Variants in MIGA1 observed in about 807,000 individuals in gnomAD.
The protein encoded by MIGA1 is family with sequence similarity 73, member A.
In MIGA1, 58 loss-of-function variants were observed where a neutral mutation model predicts 82.0. That is an observed-to-expected ratio of 0.71 (90% CI 0.57 to 0.88). The LOEUF is 0.88. Among genes scored for constraint, MIGA1 ranks in the 40% least tolerant of loss-of-function variants. The pLI, the probability that MIGA1 is intolerant of heterozygous loss-of-function variation, is 0.00. For synonymous variants in MIGA1, 249 were observed against 253.6 expected (o/e 0.98, Z 0.17); for missense variants, 751 against 749.1 (o/e 1.00, Z -0.03).
At chr1:77,806,789 C>T (rs1370805754) in intron 4 of MIGA1, among the ~76,000 whole-genome samples, 186 bp from the exon 5 acceptor site, 4 of 152,152 alleles carry the variant, frequency 2.6e-5, no homozygotes, top group African/African-American at 9.7e-5. Flanking sequence ...TTTGAGCAAA[C>T]AGGCTTAGAA....
chr1:77,815,819 T>G (rs932122662), intron 7 of MIGA1, among the ~76,000 whole-genome samples: 1 of 152,250 alleles, frequency 6.6e-6, no homozygotes, highest in African/African-American at 2.4e-5. Context: ...AGCCTTGACC[T>G]ATTGGGCTCA....
intron 5 of MIGA1, among the ~76,000 whole-genome samples, chr1:77,812,721 G>A (rs1454843258): frequency 6.6e-6 from 1 of 151,658 alleles, no homozygotes; most frequent in African/African-American, 2.4e-5. Flanking sequence ...TGTAAGCCTT[G>A]TTTTTTAATT....
chr1:77,853,087 A>G (rs1253868050), intron 8 of MIGA1, among the ~76,000 whole-genome samples: 1 of 152,250 alleles, frequency 6.6e-6, no homozygotes, highest in Non-Finnish European at 1.5e-5. Flanking sequence ...TGAAATACCA[A>G]AACCAAAGCC....
In MIGA1 at chr1:77,843,354, C is replaced by T. The variant is rs1570985744; in HGVS notation, c.943C>T (p.Leu315=). 3.1e-6 allele frequency: 5 copies of T among 1,613,914 alleles called. No individual in the cohort carries two copies. Among genetic ancestry groups the T allele is most frequent in the Admixed American group, 1.7e-5 (1 of 60,010 alleles). The change falls in exon 8 of 16, where the codon CTG becomes TTG. Residue 315 remains leucine, a synonymous_variant. Coordinates refer to ENST00000370791, the MANE Select transcript of MIGA1 (RefSeq NM_198549.4). ...GAAGGGTAATGTGGAAGACTTTGGC[C>T]TGCGAGACACCTTGAGCATCGCATC... is the stretch of plus-strand genomic sequence containing the variant.
intron 2 of MIGA1, among the ~76,000 whole-genome samples, chr1:77,788,102 A>T (rs1009435661): frequency 6.6e-6 from 1 of 152,176 alleles, no homozygotes; most frequent in Non-Finnish European, 1.5e-5. Context: ...TCCTGGGTTC[A>T]AGCAATTCTT....
intron 15 of MIGA1, 147 bp from the exon 16 acceptor site, chr1:77,874,699 G>A: frequency 1.6e-6 from 1 of 627,394 alleles, no homozygotes; most frequent in Non-Finnish European, 2.8e-6. Flanking sequence ...AATCACTTGT[G>A]CAAGGTCCCT....
chr1:77,800,524 G>A (rs960215335), intron 2 of MIGA1, among the ~76,000 whole-genome samples: 1 of 152,280 alleles, frequency 6.6e-6, no homozygotes. Flanking sequence ...AACATTCCAA[G>A]CCTTTAGCTT....
At chr1:77,836,641 A>G (rs1043835895) in intron 7 of MIGA1, among the ~76,000 whole-genome samples, 20 of 152,310 alleles carry the variant, frequency 1.3e-4, no homozygotes, top group Admixed American at 7.2e-4. Context: ...TAGGAAATTA[A>G]TATTGCTATC....
intron 12 of MIGA1, among the ~76,000 whole-genome samples, chr1:77,863,209 C>T (rs1192291779): frequency 6.6e-6 from 1 of 152,116 alleles, no homozygotes; most frequent in African/African-American, 2.4e-5. Flanking sequence ...GTTTCTTCGA[C>T]TTTTCTCTCT....
At chr1:77,786,518 C>T (rs1299868393) in intron 2 of MIGA1, among the ~76,000 whole-genome samples, 2 of 152,170 alleles carry the variant, frequency 1.3e-5, no homozygotes, top group Non-Finnish European at 2.9e-5. Context: ...TTAACAGCAC[C>T]CAAGTCACCT....
At chr1:77,844,113 A>AAAAAATATAT (rs1296124524) in intron 8 of MIGA1, among the ~76,000 whole-genome samples, 16 of 90,128 alleles carry the variant, frequency 1.8e-4, no homozygotes, top group African/African-American at 4.1e-4. Flanking sequence ...AAAAAAAAAA[A>AAAAAATATAT]ATATATATAT....
In MIGA1 at chr1:77,875,671, G is replaced by A. The variant is rs1646888380; in HGVS notation, c.*607G>A. The A allele has an allele frequency of 6.6e-6, 1 of 152,516 alleles. No homozygotes were observed. Among genetic ancestry groups the A allele is most frequent in the Non-Finnish European group, 1.5e-5 (1 of 68,350 alleles). 9.4% of individuals were successfully genotyped at this position (152,516 alleles called of 1,614,324 possible). A position where few individuals can be genotyped will look rare whatever the true frequency, so the allele number is the denominator to read the frequency against. On this transcript the variant is annotated 3_prime_UTR_variant, in exon 16 of 16. Transcript: ENST00000370791. ...AGAACATTTAAATGGGCCACTTGCA[G>A]TGGCTCATGCCTGTAATACATTGGG... is the stretch of plus-strand genomic sequence containing the variant.
At chr1:77,834,210 C>G (rs777939987) in intron 7 of MIGA1, among the ~76,000 whole-genome samples, 1 of 152,096 alleles carries the variant, frequency 6.6e-6, no homozygotes, top group Non-Finnish European at 1.5e-5. Flanking sequence ...GGGTCTCACT[C>G]TGTTGTCCAG....
chr1:77,872,475 C>G (rs937889086), intron 14 of MIGA1, among the ~76,000 whole-genome samples: 1 of 152,012 alleles, frequency 6.6e-6, no homozygotes, highest in African/African-American at 2.4e-5. Flanking sequence ...GTGGCGTGCA[C>G]GTGTGGTTCC....
intron 8 of MIGA1, among the ~76,000 whole-genome samples, chr1:77,854,202 C>T (rs1685161818): frequency 6.6e-6 from 1 of 152,236 alleles, no homozygotes; most frequent in South Asian, 2.1e-4. Context: ...ATCCAGGTCA[C>T]TGCAGATGCT....
rs1318116366 is a variant in MIGA1 at position 77,843,387 on chromosome 1, T to G, written c.976T>G (p.Ser326Ala). Residue 326 changes from serine (S) to alanine (A), a missense_variant, in exon 8 of 16, where the codon TCC becomes GCC. Coordinates refer to ENST00000370791, the MANE Select transcript of MIGA1 (RefSeq NM_198549.4). ...CACCTTGAGCATCGCATCCACGGATTCCTTTGCTTCCGCAGCAGAGGTAGG... is the reference window on the plus strand; with the variant it reads ...CACCTTGAGCATCGCATCCACGGATGCCTTTGCTTCCGCAGCAGAGGTAGG... 4.3e-6 allele frequency: 7 copies of G among 1,613,864 alleles called. No homozygotes were observed. The highest frequency in any genetic ancestry group is 3.3e-4 in the Middle Eastern group (2 of 6,082).
chr1:77,803,402 C>T lies in MIGA1; in HGVS notation c.506C>T (p.Ala169Val). ...TATTCAGGTTCTGCACAGAGTTTGG[C>T]CTCTGTAAGTACAGAAAAAATATTA... Residue 169 changes from alanine to valine, a missense_variant, in exon 4 of 16, where the codon GCC becomes GTC. Transcript: ENST00000370791. 6.7e-7 allele frequency: 1 copy of T among 1,499,292 alleles called. No individual in the cohort carries two copies. The highest frequency in any genetic ancestry group is 8.9e-7 in the Non-Finnish European group (1 of 1,121,734). The allele number at this position is 1,499,292 out of a possible 1,614,324, so 92.9% of individuals were successfully genotyped here.
At chr1:77,825,321 A>G (rs1390343775) in intron 7 of MIGA1, among the ~76,000 whole-genome samples, 2 of 152,120 alleles carry the variant, frequency 1.3e-5, no homozygotes, top group African/African-American at 4.8e-5. Context: ...TGTTTCTCTT[A>G]TAGGAATATA....
chr1:77,847,226 C>A, intron 8 of MIGA1: 2 of 1,133,124 alleles, frequency 1.8e-6, no homozygotes. Context: ...GATGAGACCT[C>A]CATGAGTGAA....
Sources: allele counts gnomAD v4.1 joint callset (sites outside exome capture counted in the v4.1 genomes callset), GRCh38; gene constraint gnomAD v4.1.1; transcripts MANE v1.5; gene names NCBI Gene and HGNC (gene_info 2026-07-23, HGNC 2026-07-21).